The following PNLIPRP3 variants were observed in gnomAD, a reference collection of about 807,000 sequenced individuals.
PNLIPRP3 encodes the protein pancreatic lipase related protein 3.
A neutral mutation model predicts 52.8 loss-of-function variants in PNLIPRP3; 58 were observed. That is an observed-to-expected ratio of 1.10 (90% CI 0.89 to 1.37). PNLIPRP3 has a LOEUF of 1.37. Among genes scored for constraint, PNLIPRP3 ranks in the 40% most tolerant of loss-of-function variants. The pLI, the probability that PNLIPRP3 is intolerant of heterozygous loss-of-function variation, is 0.00. For missense variants in PNLIPRP3, 593 were observed against 561.6 expected (o/e 1.06, Z -0.57); for synonymous variants, 192 against 185.0 (o/e 1.04, Z -0.31).
At position 116,477,853 on chromosome 10, in the gene PNLIPRP3, T is replaced by C. The variant is rs1476342402; in HGVS notation, c.*700T>C. 6.6e-6 allele frequency: 1 copy of C among 152,228 alleles called. No individual in the cohort carries two copies. The highest frequency in any genetic ancestry group is 2.4e-5 in the African/African-American group (1 of 41,460). The allele number at this position is 152,228 out of a possible 1,614,324, so 9.4% of individuals were successfully genotyped here. ...GAGAATTACTCCTCTCCCTGGGTCT[T>C]GAATGCTCTATGGTGAATTTGTATT... On this transcript the variant is annotated 3_prime_UTR_variant, in exon 12 of 12. Transcript: ENST00000369230.
chr10:116,459,055 C>G (rs549059646), intron 5 of PNLIPRP3, among the ~76,000 whole-genome samples: 1 of 152,218 alleles, frequency 6.6e-6, no homozygotes, highest in African/African-American at 2.4e-5. Context: ...TCCCAGTGGA[C>G]CCCTCCCGCC....
At chr10:116,433,704 T>C (rs1431485) in intron 1 of PNLIPRP3, among the ~76,000 whole-genome samples, 122,043 of 151,772 alleles carry the variant, frequency 0.8, 50,415 homozygotes, top group South Asian at 0.93. Context: ...AGCCTTTGCA[T>C]GGTTCCACAG....
chr10:116,445,446 C>G (rs1845931319), intron 4 of PNLIPRP3, among the ~76,000 whole-genome samples: 1 of 152,116 alleles, frequency 6.6e-6, no homozygotes, highest in Non-Finnish European at 1.5e-5. Flanking sequence ...TCATTTATGC[C>G]CCGACACTTC....
intron 7 of PNLIPRP3, among the ~76,000 whole-genome samples, chr10:116,464,365 C>T (rs907697441): frequency 2.0e-4 from 31 of 152,186 alleles, no homozygotes; most frequent in Non-Finnish European, 4.1e-4. Flanking sequence ...TGCTGCTTCA[C>T]CAGCCAGAGA....
rs564019402 is a variant in PNLIPRP3, at chr10:116,460,393, G to A, written c.566-573G>A. Among the ~76,000 whole-genome samples, 17 of 152,274 alleles carry A rather than the reference G, an allele frequency of 1.1e-4. No individual in the cohort carries two copies. The South Asian group carries it at 1.2e-3, about 11-fold the overall frequency. ...ATTTTACGAAACATTTGAACATGACGCAATGGGATGAGAGTCTGGACACCT... is the reference window on the plus strand; with the variant it reads ...ATTTTACGAAACATTTGAACATGACACAATGGGATGAGAGTCTGGACACCT... On this transcript the variant is annotated intron_variant, in intron 5 of 11. Coordinates refer to ENST00000369230, the MANE Select transcript of PNLIPRP3 (RefSeq NM_001011709.3).
At chr10:116,441,209 C>A (rs1845853555) in intron 2 of PNLIPRP3, among the ~76,000 whole-genome samples, 1 of 152,080 alleles carries the variant, frequency 6.6e-6, no homozygotes, top group South Asian at 2.1e-4. Flanking sequence ...TGATTAAACT[C>A]CTCATTGATG....
At chr10:116,449,807 G>C (rs1846009756) in intron 4 of PNLIPRP3, among the ~76,000 whole-genome samples, 1 of 152,116 alleles carries the variant, frequency 6.6e-6, no homozygotes, top group Non-Finnish European at 1.5e-5. Flanking sequence ...TTTCGTCTCA[G>C]GTACACACAG....
rs1046095116 is a variant in PNLIPRP3 at position 116,428,070 on chromosome 10, C to T, written c.49+9C>T. The T allele has an allele frequency of 4.4e-6, 7 of 1,585,838 alleles. No individual in the cohort carries two copies. Among genetic ancestry groups the T allele is most frequent in the Non-Finnish European group, 5.2e-6 (6 of 1,156,468 alleles). On this transcript the variant is annotated intron_variant, in intron 1 of 11. Transcript: ENST00000369230. ...CTTTGGCACATCAAGAGGTAAGATT[C>T]ATAATTTATAATAAGTTCTTTAAAA...
intron 4 of PNLIPRP3, among the ~76,000 whole-genome samples, chr10:116,449,816 A>G (rs1308745172): frequency 6.6e-6 from 1 of 152,216 alleles, no homozygotes; most frequent in Non-Finnish European, 1.5e-5. Flanking sequence ...AGGTACACAC[A>G]GAACCTTCGC....
chr10:116,476,593 C>A lies in PNLIPRP3; in HGVS notation c.1173-59C>A, dbSNP rs372050297. ...CATAGTGCATACACAGATGTGTTTT[C>A]TTTCATTCAGTGCTGTGAATACCCA... is the stretch of plus-strand genomic sequence containing the variant. On this transcript the variant is annotated intron_variant, in intron 10 of 11. Coordinates refer to ENST00000369230, the MANE Select transcript of PNLIPRP3 (RefSeq NM_001011709.3). 1.7e-5 allele frequency: 23 copies of A among 1,364,050 alleles called. No homozygotes were observed. In the East Asian group the frequency reaches 4.4e-4, roughly 26 times the overall value. The allele number at this position is 1,364,050 out of a possible 1,614,324, so 84.5% of individuals were successfully genotyped here.
chr10:116,465,078 G>C (rs1376413183), intron 7 of PNLIPRP3, among the ~76,000 whole-genome samples: 5 of 152,188 alleles, frequency 3.3e-5, no homozygotes, highest in Non-Finnish European at 5.9e-5. Flanking sequence ...ACAGCTCTTG[G>C]ATGAGAGGGG....
intron 5 of PNLIPRP3, among the ~76,000 whole-genome samples, chr10:116,459,104 G>A (rs926389288): frequency 3.3e-5 from 5 of 151,830 alleles, no homozygotes; most frequent in African/African-American, 2.4e-5. Context: ...CTATGATTCC[G>A]CATCTTCTTG....
chr10:116,454,307 G>A (rs191320500), intron 4 of PNLIPRP3, among the ~76,000 whole-genome samples: 1 of 152,180 alleles, frequency 6.6e-6, no homozygotes, highest in Admixed American at 6.5e-5. Context: ...TTTTAGTAGA[G>A]ATGGGTTTCA....
At chr10:116,443,801 G>GTGTGTATA (rs1845898955) in intron 3 of PNLIPRP3, among the ~76,000 whole-genome samples, 1 of 11,158 alleles carries the variant, frequency 9.0e-5, no homozygotes, top group East Asian at 2.5e-3. Context: ...ATGTGTGTGT[G>GTGTGTATA]CATATATATA....
intron 4 of PNLIPRP3, among the ~76,000 whole-genome samples, chr10:116,451,540 A>G (rs1009255241): frequency 6.6e-6 from 1 of 152,174 alleles, no homozygotes; most frequent in East Asian, 1.9e-4. Flanking sequence ...TGGATCCCCC[A>G]TGAATGGCTT....
intron 1 of PNLIPRP3, among the ~76,000 whole-genome samples, chr10:116,433,849 A>G (rs1244610106): frequency 6.6e-6 from 1 of 152,170 alleles, no homozygotes; most frequent in African/African-American, 2.4e-5. Context: ...AAAGGATAAC[A>G]TGAGCAAGAA....
At chr10:116,433,114 C>CAAAAAAA (rs71010080) in intron 1 of PNLIPRP3, among the ~76,000 whole-genome samples, 409 of 8,506 alleles carry the variant, frequency 0.048, 185 homozygotes, top group East Asian at 0.065. Context: ...AACTCCATCT[C>CAAAAAAA]AAAAAAAAAA....
intron 5 of PNLIPRP3, 87 bp downstream of exon 5, chr10:116,455,917 A>G: frequency 1.1e-6 from 1 of 920,826 alleles, no homozygotes; most frequent in Non-Finnish European, 1.7e-6. Context: ...GTAATACTGC[A>G]GAAGAAAATA....
chr10:116,443,799 GTGCATATATA>G (rs1245552127), intron 3 of PNLIPRP3, among the ~76,000 whole-genome samples: 19 of 7,708 alleles, frequency 2.5e-3, no homozygotes, highest in East Asian at 8.7e-3. Flanking sequence ...GTATGTGTGT[GTGCATATATA>G]TATATATATA....
Sources: gnomAD v4.1 joint callset for allele counts (sites outside exome capture counted in the v4.1 genomes callset) on GRCh38, gnomAD v4.1.1 for gene constraint, MANE v1.5 for transcripts, NCBI Gene and HGNC (gene_info 2026-07-23, HGNC 2026-07-21) for gene names.